MID1: variants seen among roughly 807,000 people sequenced by gnomAD.
The protein encoded by MID1 is midline 1.
MID1 carries 7 observed loss-of-function variants against 40.4 expected under a neutral mutation model. That is an observed-to-expected ratio of 0.17 (90% confidence interval 0.10 to 0.33). MID1 has a LOEUF of 0.33. MID1 is among the 10% of genes least tolerant of loss of function. The probability of loss-of-function intolerance (pLI) is 1.00; values close to 1 mark genes in which losing one functional copy is unlikely to be tolerated. For missense variants in MID1, 367 were observed against 558.5 expected, an observed-to-expected ratio of 0.66 and a Z score of 3.46; for synonymous variants, 229 against 221.2, an observed-to-expected ratio of 1.04 and a Z score of -0.31.
At chrX:10,717,068 C>A (rs372395188) in intron 1 of MID1, among the ~76,000 whole-genome samples, 1 of 111,582 alleles carries the variant, frequency 9.0e-6, no homozygotes, top group African/African-American at 3.3e-5. Flanking sequence ...AAGGAAAAAC[C>A]GGTACCAGCC....
intron 1 of MID1, among the ~76,000 whole-genome samples, chrX:10,669,790 C>T (rs1458291548): frequency 8.9e-6 from 1 of 111,949 alleles, no homozygotes; most frequent in East Asian, 2.8e-4. Flanking sequence ...TTTGAAATCC[C>T]CTCTCTATCT....
At chrX:10,524,533 C>T (rs1418194641) in intron 2 of MID1, among the ~76,000 whole-genome samples, 1 of 106,187 alleles carries the variant, frequency 9.4e-6, no homozygotes, top group African/African-American at 4.0e-5. Flanking sequence ...TGATTTACAC[C>T]ATTCATTCAT....
chrX:10,719,362 A>G (rs1602535760), intron 1 of MID1, among the ~76,000 whole-genome samples: 1 of 111,745 alleles, frequency 8.9e-6, no homozygotes, highest in South Asian at 3.7e-4. Context: ...CAGGATACAA[A>G]ATCAATGTGC....
intron 1 of MID1, among the ~76,000 whole-genome samples, chrX:10,619,269 G>A (rs1935892445): frequency 8.9e-6 from 1 of 112,170 alleles, no homozygotes; most frequent in Non-Finnish European, 1.9e-5. Context: ...AAGTGTGCAG[G>A]GTGGCGAGCA....
chrX:10,742,734 T>C (rs1297647906), intron 1 of MID1, among the ~76,000 whole-genome samples: 1 of 112,537 alleles, frequency 8.9e-6, no homozygotes, highest in Non-Finnish European at 1.9e-5. Flanking sequence ...GTGGCCCTGT[T>C]GCATTTCAAA....
intron 3 of MID1, among the ~76,000 whole-genome samples, chrX:10,498,539 C>T (rs1931377243): frequency 1.8e-5 from 2 of 112,100 alleles, no homozygotes; most frequent in Admixed American, 1.9e-4. Context: ...CAATCGTCAT[C>T]ACAATCTAAG....
At chrX:10,552,796 G>A (rs865902763) in intron 2 of MID1, among the ~76,000 whole-genome samples, 148 of 110,945 alleles carry the variant, frequency 1.3e-3, no homozygotes, top group African/African-American at 4.6e-3. Flanking sequence ...GCTTCCTAGG[G>A]GACAAGCATT....
chrX:10,538,324 C>G (rs1409067351), intron 2 of MID1, among the ~76,000 whole-genome samples: 1 of 111,426 alleles, frequency 9.0e-6, no homozygotes, highest in Non-Finnish European at 1.9e-5. Flanking sequence ...TATCTAATCA[C>G]TCTCTAAAGA....
intron 2 of MID1, among the ~76,000 whole-genome samples, chrX:10,563,568 A>T (rs938449813): frequency 8.0e-5 from 9 of 112,321 alleles, no homozygotes; most frequent in Non-Finnish European, 9.4e-5. Context: ...CTTAAAATTC[A>T]ATTAAAACGA....
At chrX:10,566,497 T>TTCTCTCTCTCTCTCTCTCTCTC (rs1281393445) in intron 2 of MID1, among the ~76,000 whole-genome samples, 1 of 72,084 alleles carries the variant, frequency 1.4e-5, no homozygotes, top group African/African-American at 6.2e-5. Context: ...TTATCTGTCA[T>TTCTCTCTCTCTCTCTCTCTCTC]TCTCTCTCTC....
In MID1 at chrX:10,464,280, ATCTAT is replaced by A. The variant is rs749478419; in HGVS notation, c.1286-4478_1286-4474del. On this transcript the variant is annotated intron_variant, in intron 7 of 9. Coordinates refer to ENST00000317552, the MANE Select transcript of MID1 (RefSeq NM_000381.4). ...TTTTTATGCATGACCTTTTTGCATC[ATCTAT>A]TCTATTAATGCATCATGTTTGGTAT... is the stretch of plus-strand genomic sequence containing the variant. Among the ~76,000 whole-genome samples, 21 of 112,340 alleles carry A rather than the reference ATCTAT, an allele frequency of 1.9e-4. No individual in the cohort carries two copies. The South Asian group carries it at 4.8e-3, about 26-fold the overall frequency.
At chrX:10,556,600 G>T (rs951399992) in intron 2 of MID1, among the ~76,000 whole-genome samples, 1 of 112,002 alleles carries the variant, frequency 8.9e-6, no homozygotes, top group African/African-American at 3.2e-5. Context: ...AGGTTTTATT[G>T]TAACAGTAAA....
chrX:10,764,119 C>CA (rs2043702823), intron 1 of MID1, among the ~76,000 whole-genome samples: 1 of 111,577 alleles, frequency 9.0e-6, no homozygotes, highest in African/African-American at 3.3e-5. Context: ...TGTAGGTTGC[C>CA]TGTTCACTCT....
chrX:10,641,453 T>A (rs1214270438), intron 1 of MID1, among the ~76,000 whole-genome samples: 1 of 111,502 alleles, frequency 9.0e-6, no homozygotes, highest in Non-Finnish European at 1.9e-5. Context: ...ACATACATCC[T>A]CCCAAGACTA....
intron 1 of MID1, among the ~76,000 whole-genome samples, chrX:10,652,174 T>A (rs960184844): frequency 8.9e-6 from 1 of 111,786 alleles, no homozygotes; most frequent in African/African-American, 3.3e-5. Context: ...CATTTCATTT[T>A]GTTGAATTTG....
chrX:10,634,803 C>T (rs1936091350), intron 1 of MID1, among the ~76,000 whole-genome samples: 1 of 112,096 alleles, frequency 8.9e-6, no homozygotes, highest in African/African-American at 3.2e-5. Context: ...GCCTGGAATT[C>T]GTCTGTTCTT....
chrX:10,554,607 T>C (rs1030709790), intron 2 of MID1, among the ~76,000 whole-genome samples: 4 of 112,231 alleles, frequency 3.6e-5, no homozygotes, highest in African/African-American at 1.3e-4. Flanking sequence ...AAAGAGCTAC[T>C]GGAACCAGTT....
At chrX:10,710,154 C>G (rs753894488) in intron 1 of MID1, among the ~76,000 whole-genome samples, 4 of 111,217 alleles carry the variant, frequency 3.6e-5, no homozygotes, top group African/African-American at 9.8e-5. Flanking sequence ...TGAGAGAATT[C>G]CTAGGGCAGG....
chrX:10,620,106 C>T (rs750154995), intron 1 of MID1, among the ~76,000 whole-genome samples, 184 bp downstream of exon 1: 1 of 112,220 alleles, frequency 8.9e-6, no homozygotes, highest in African/African-American at 3.2e-5. Flanking sequence ...AGGACCAGAC[C>T]GGGGTGGCTC....
Sources: allele counts gnomAD v4.1 joint callset (sites outside exome capture counted in the v4.1 genomes callset), GRCh38; gene constraint gnomAD v4.1.1; transcripts MANE v1.5; gene names NCBI Gene and HGNC (gene_info 2026-07-23, HGNC 2026-07-21).